Variants in CYP20A1 observed in about 807,000 individuals in gnomAD.
CYP20A1 encodes cytochrome P450 20A1.
A neutral mutation model predicts 61.4 loss-of-function variants in CYP20A1; 61 were observed. The observed-to-expected ratio is 0.99, with a 90% CI of 0.81 to 1.23. The LOEUF (loss-of-function observed/expected upper bound fraction) is 1.23, where lower values mean the gene tolerates loss of function less well. Ranked by LOEUF, CYP20A1 falls within the 50% of genes most tolerant of loss-of-function variation. The pLI, the probability that CYP20A1 is intolerant of heterozygous loss-of-function variation, is 0.00. For missense variants in CYP20A1, 530 were observed against 542.4 expected (o/e 0.98, Z 0.23); for synonymous variants, 193 against 188.2 (o/e 1.03, Z -0.21).
rs2069082114 is a variant in CYP20A1, at chr2:203,302,996, CTTTTT to C, written c.*6089_*6093del. Among the ~76,000 whole-genome samples, 2 of 150,746 alleles carry C rather than the reference CTTTTT, an allele frequency of 1.3e-5. No homozygotes were observed. Among genetic ancestry groups the C allele is most frequent in the South Asian group, 4.2e-4 (2 of 4,742 alleles). On this transcript the variant is annotated 3_prime_UTR_variant, in exon 13 of 13. Coordinates refer to ENST00000356079, the MANE Select transcript of CYP20A1 (RefSeq NM_177538.3). ...ATGAGCCACCGCGCTCGGTCCCTTT[CTTTTT>C]ATTTATTTATTTATTTTGAGATGGA...
intron 8 of CYP20A1, among the ~76,000 whole-genome samples, chr2:203,281,309 C>A (rs886182220): frequency 6.6e-6 from 1 of 151,990 alleles, no homozygotes; most frequent in Admixed American, 6.6e-5. Flanking sequence ...AAATTTGGGA[C>A]CAGCCTGGGC....
intron 11 of CYP20A1, 85 bp downstream of exon 11, chr2:203,292,411 A>T: frequency 1.1e-6 from 1 of 911,418 alleles, no homozygotes. Context: ...TTGAGTAGAA[A>T]ACTCAATATG....
chr2:203,286,540 CACA>C (rs1158065047), intron 9 of CYP20A1, among the ~76,000 whole-genome samples: 1 of 152,138 alleles, frequency 6.6e-6, no homozygotes, highest in African/African-American at 2.4e-5. Flanking sequence ...TATCAATACA[CACA>C]ACAACACAGA....
intron 3 of CYP20A1, 30 bp downstream of exon 3, chr2:203,246,951 A>T: frequency 6.2e-7 from 1 of 1,600,480 alleles, no homozygotes; most frequent in Admixed American, 1.7e-5. Flanking sequence ...TAATTACCTG[A>T]TCCTTACCTT....
At position 203,296,879 on chromosome 2, in the gene CYP20A1, GC is replaced by G. The variant is rs759305428; in HGVS notation, c.1361del (p.Ala454ValfsTer15). The part of the protein sequence containing the change: ...YELVTSSREE[A>X]WITVSKRY ...ACTGGTAACATCATCAAGGGAAGAA[GC>G]TTGGATCACTGTCTCAAAGAGATAT... On this transcript the variant is annotated frameshift_variant, in exon 13 of 13. Transcript: ENST00000356079. LOFTEE classifies it high-confidence loss of function. 2 of 1,599,116 alleles carry G rather than the reference GC, an allele frequency of 1.3e-6. No homozygotes were observed. The highest frequency in any genetic ancestry group is 1.1e-5 in the South Asian group (1 of 87,778).
chr2:203,243,388 C>T (rs1033696369), intron 1 of CYP20A1, among the ~76,000 whole-genome samples: 1 of 22,486 alleles, frequency 4.4e-5, no homozygotes, highest in Non-Finnish European at 2.0e-4. Flanking sequence ...GTGATCCACT[C>T]TCGCCTCTTT....
chr2:203,264,609 G>A (rs2067256426), intron 4 of CYP20A1, among the ~76,000 whole-genome samples: 1 of 151,834 alleles, frequency 6.6e-6, no homozygotes, highest in Non-Finnish European at 1.5e-5. Flanking sequence ...GAAATATTCT[G>A]TTCATTTATA....
At chr2:203,272,787 T>C (rs767524052) in intron 6 of CYP20A1, 39 bp downstream of exon 6, 3 of 1,213,000 alleles carry the variant, frequency 2.5e-6, no homozygotes, top group Non-Finnish European at 3.6e-6. Context: ...GGACAAAAAA[T>C]AAATGTGCCC....
intron 5 of CYP20A1, among the ~76,000 whole-genome samples, chr2:203,268,871 G>A (rs1329470707): frequency 6.6e-6 from 1 of 152,064 alleles, no homozygotes; most frequent in East Asian, 1.9e-4. Flanking sequence ...GTCGAGTCAT[G>A]CCACCAGGAG....
At chr2:203,241,600 A>G (rs148960559) in intron 1 of CYP20A1, among the ~76,000 whole-genome samples, 1 of 152,372 alleles carries the variant, frequency 6.6e-6, no homozygotes, top group African/African-American at 2.4e-5. Flanking sequence ...ATAATCAGCT[A>G]AGTCAAATGC....
Position 203,303,041 on chromosome 2 carries a change from C to T in CYP20A1, c.*6133C>T, listed in dbSNP as rs1442916917. 6.7e-6 allele frequency among the ~76,000 whole-genome samples: 1 copy of T among 150,160 alleles called. No individual in the cohort carries two copies. Among genetic ancestry groups the T allele is most frequent in the Non-Finnish European group, 1.5e-5 (1 of 67,612 alleles). On this transcript the variant is annotated 3_prime_UTR_variant, in exon 13 of 13. Coordinates refer to ENST00000356079, the MANE Select transcript of CYP20A1 (RefSeq NM_177538.3). ...TTTGAGATGGAGTCTCGCTGTGTCACCCAGGCTGGAGTGTGGTGGCACGAT... is the reference window on the plus strand; with the variant it reads ...TTTGAGATGGAGTCTCGCTGTGTCATCCAGGCTGGAGTGTGGTGGCACGAT...
intron 9 of CYP20A1, among the ~76,000 whole-genome samples, chr2:203,287,235 AAAAAG>A (rs1418003476): frequency 6.6e-6 from 1 of 151,010 alleles, no homozygotes; most frequent in Non-Finnish European, 1.5e-5. Flanking sequence ...AAAAAAAAAA[AAAAAG>A]AAAAGATAAC....
In CYP20A1 at chr2:203,280,114, G is replaced by A. The variant is rs752535131; in HGVS notation, c.850+1G>A. The A allele has an allele frequency of 1.2e-5, 19 of 1,601,204 alleles. No homozygotes were observed. The South Asian group carries it at 1.2e-4, about 10-fold the overall frequency. The stretch of plus-strand genomic sequence containing the variant: ...GCCAGTTGCATAATAACTGCAAAAT[G>A]TAAGTATAAATTGATTTCTTTTTCA... On this transcript the variant is annotated splice_donor_variant, in intron 8 of 12. Transcript: ENST00000356079. LOFTEE classifies it high-confidence loss of function.
intron 10 of CYP20A1, 136 bp downstream of exon 10, chr2:203,290,012 C>G (rs1434927938): frequency 8.9e-6 from 3 of 337,422 alleles, no homozygotes; most frequent in African/African-American, 6.5e-5. Flanking sequence ...GCGATCTTGG[C>G]TCACTGCAAC....
chr2:203,246,888 G>A lies in CYP20A1; in HGVS notation c.256G>A (p.Val86Ile). The A allele has an allele frequency of 6.2e-7, 1 of 1,614,084 alleles. No individual in the cohort carries two copies. The highest frequency in any genetic ancestry group is 1.3e-5 in the African/African-American group (1 of 75,038). ...RLVVSLGTVDVLKQHINPNKT... is the reference protein window; with the variant it reads ...RLVVSLGTVDILKQHINPNKT... Reference sequence around the variant, plus strand: ...CGTGGTTAGTTTGGGCACTGTTGATGTACTGAAGCAGCATATCAATCCCAA... The same window carrying A: ...CGTGGTTAGTTTGGGCACTGTTGATATACTGAAGCAGCATATCAATCCCAA... The change falls in exon 3 of 13, where the codon GTA becomes ATA. Residue 86 changes from valine to isoleucine, a missense_variant. By Grantham distance (29) the Val-to-Ile change is conservative. Transcript: ENST00000356079.
At position 203,278,705 on chromosome 2, in the gene CYP20A1, A is replaced by G. The variant is rs1479116414; in HGVS notation, c.795+17A>G. The G allele has an allele frequency of 7.3e-7, 1 of 1,371,626 alleles. No individual in the cohort carries two copies. The highest frequency in any genetic ancestry group is 1.0e-6 in the Non-Finnish European group (1 of 987,416). The allele number at this position is 1,371,626 out of a possible 1,614,324, so 85.0% of individuals were successfully genotyped here. ...GACCAACAGGTGATATAATTGTTAA[A>G]TGTTTATCAGGTAAAAAAATAAGCC... On this transcript the variant is annotated intron_variant, in intron 7 of 12. Transcript: ENST00000356079.
intron 11 of CYP20A1, among the ~76,000 whole-genome samples, chr2:203,294,940 A>ATTTTTTTTTTT (rs1559110323): frequency 8.8e-5 from 8 of 91,232 alleles, no homozygotes; most frequent in African/African-American, 3.6e-4. Flanking sequence ...CCTTTAAAAA[A>ATTTTTTTTTTT]ATTTTTTTTT....
intron 4 of CYP20A1, among the ~76,000 whole-genome samples, chr2:203,263,017 G>A (rs1284315561): frequency 3.4e-5 from 5 of 149,142 alleles, no homozygotes; most frequent in African/African-American, 1.2e-4. Context: ...TTTTTGAGAC[G>A]AAGTCTTGCT....
At chr2:203,251,920 T>A in intron 3 of CYP20A1, 47 bp from the exon 4 acceptor site, 1 of 1,461,326 alleles carries the variant, frequency 6.8e-7, no homozygotes, top group Non-Finnish European at 9.2e-7. Flanking sequence ...AGGGTATCTT[T>A]TTGAGTGATT....
Sources: gnomAD v4.1 joint callset for allele counts (sites outside exome capture counted in the v4.1 genomes callset) on GRCh38, gnomAD v4.1.1 for gene constraint, MANE v1.5 for transcripts, NCBI Gene and HGNC (gene_info 2026-07-23, HGNC 2026-07-21) for gene names.